The following NTRK3 variants were observed in gnomAD, a reference collection of about 807,000 sequenced individuals.
The protein encoded by NTRK3 is neurotrophic receptor tyrosine kinase 3.
NTRK3 carries 24 observed loss-of-function variants against 91.7 expected under a neutral mutation model. The observed-to-expected ratio is 0.26, with a 90% CI of 0.19 to 0.37. The LOEUF is 0.37. Among genes scored for constraint, NTRK3 ranks in the 10% least tolerant of loss-of-function variants. The pLI is 1.00. For synonymous variants in NTRK3, 483 were observed against 404.0 expected (o/e 1.20, Z -2.34); for missense variants, 880 against 1,068.9 (o/e 0.82, Z 2.46).
intron 16 of NTRK3, among the ~76,000 whole-genome samples, chr15:87,930,464 T>C (rs1418896283): frequency 6.6e-6 from 1 of 152,096 alleles, no homozygotes; most frequent in African/African-American, 2.4e-5. Flanking sequence ...TCCCTTTTAC[T>C]ATCTCCGGTG....
At chr15:87,917,753 C>T (rs2067549647) in intron 17 of NTRK3, among the ~76,000 whole-genome samples, 1 of 152,112 alleles carries the variant, frequency 6.6e-6, no homozygotes, top group Admixed American at 6.5e-5. Context: ...TGGCACCACT[C>T]CTTCCTCTCT....
exon 19 of NTRK3, chr15:87,872,535 T>C (rs959748999): frequency 8.8e-6 from 2 of 228,442 alleles, no homozygotes; most frequent in African/African-American, 4.4e-5. Flanking sequence ...TTGGAATAGT[T>C]TCTGCCAAGT....
chr15:88,066,678 G>T (rs757096404), intron 13 of NTRK3, among the ~76,000 whole-genome samples: 4 of 152,128 alleles, frequency 2.6e-5, no homozygotes, highest in Non-Finnish European at 5.9e-5. Flanking sequence ...CACCCGCCCT[G>T]AGGACCTGCA....
intron 13 of NTRK3, among the ~76,000 whole-genome samples, chr15:88,062,899 GC>G (rs1310968016): frequency 1.3e-5 from 2 of 152,172 alleles, no homozygotes; most frequent in South Asian, 2.1e-4. Flanking sequence ...AAGGCCAAAG[GC>G]CCCCCATTCT....
intron 13 of NTRK3, among the ~76,000 whole-genome samples, chr15:88,067,604 C>A (rs1380814747): frequency 6.6e-6 from 1 of 152,150 alleles, no homozygotes; most frequent in African/African-American, 2.4e-5. Flanking sequence ...CTTGGGAAAA[C>A]CAAGAGGTCA....
intron 13 of NTRK3, among the ~76,000 whole-genome samples, chr15:88,037,760 AATGCTGATG>A (rs2079193729): frequency 6.6e-6 from 1 of 152,218 alleles, no homozygotes; most frequent in Admixed American, 6.5e-5. Context: ...TAGTTGGAGA[AATGCTGATG>A]ATTGTAATAA....
At chr15:87,869,683 A>G (rs557821050) in exon 19 of NTRK3, 10 of 200,052 alleles carry the variant, frequency 5.0e-5, no homozygotes, top group East Asian at 4.7e-4. Context: ...ATGAAAAAAA[A>G]TCTTCTTCAC....
chr15:87,879,736 T>C (rs1227878510), intron 18 of NTRK3, among the ~76,000 whole-genome samples: 4 of 152,186 alleles, frequency 2.6e-5, no homozygotes, highest in Non-Finnish European at 5.9e-5. Context: ...AGTTTAACAG[T>C]AAACATACTA....
chr15:88,186,612 C>T (rs2046967698), intron 3 of NTRK3, among the ~76,000 whole-genome samples: 1 of 152,138 alleles, frequency 6.6e-6, no homozygotes, highest in Non-Finnish European at 1.5e-5. Context: ...CCTGCAGCCC[C>T]AGAGCTAAAA....
exon 19 of NTRK3, chr15:87,874,015 G>A (rs1335999475): frequency 4.4e-6 from 1 of 228,332 alleles, no homozygotes; most frequent in Non-Finnish European, 8.7e-6. Flanking sequence ...GAGCTAGAAG[G>A]GGCCAGAGAT....
In NTRK3 at chr15:88,151,209, T is replaced by C. The variant is rs1040481547; in HGVS notation, c.396-3806A>G. Among the ~76,000 whole-genome samples, 23 of 152,162 alleles carry C rather than the reference T, an allele frequency of 1.5e-4. 1 individual carries two copies. The highest frequency in any genetic ancestry group is 1.4e-3 in the Admixed American group (21 of 15,276). ...TCCGCAAAATCAAGTTCCGTGACAC[T>C]GCCCCTTCTATCTCTCGCCTGAGAC... On this transcript the variant is annotated intron_variant, in intron 5 of 18. Coordinates refer to ENST00000394480, the Ensembl canonical transcript of NTRK3.
chr15:87,877,965 C>G (rs554502473), intron 18 of NTRK3, among the ~76,000 whole-genome samples: 98 of 152,238 alleles, frequency 6.4e-4, no homozygotes, highest in African/African-American at 2.3e-3. Flanking sequence ...TAATGCATGC[C>G]TGGCCAACCC....
intron 13 of NTRK3, among the ~76,000 whole-genome samples, chr15:88,053,428 G>A (rs543944545): frequency 6.6e-6 from 1 of 152,280 alleles, no homozygotes; most frequent in Non-Finnish European, 1.5e-5. Context: ...ACCATGCAAA[G>A]GGTATTTGTC....
chr15:87,911,302 G>A (rs2067075380), intron 17 of NTRK3, among the ~76,000 whole-genome samples: 1 of 152,174 alleles, frequency 6.6e-6, no homozygotes, highest in Non-Finnish European at 1.5e-5. Flanking sequence ...ACATAATTAT[G>A]AGTCCTTAAA....
intron 17 of NTRK3, among the ~76,000 whole-genome samples, chr15:87,889,332 T>C (rs1171641974): frequency 6.6e-6 from 1 of 152,004 alleles, no homozygotes; most frequent in Non-Finnish European, 1.5e-5. Context: ...AATTATAGCT[T>C]GTCATTTGTT....
At chr15:88,015,882 C>T (rs1026075717) in intron 14 of NTRK3, among the ~76,000 whole-genome samples, 9 of 151,878 alleles carry the variant, frequency 5.9e-5, no homozygotes, top group African/African-American at 1.5e-4. Context: ...AGCTCTACAG[C>T]GGCTCCAATG....
intron 14 of NTRK3, among the ~76,000 whole-genome samples, chr15:88,017,626 G>A (rs2077327629): frequency 6.6e-6 from 1 of 152,250 alleles, no homozygotes; most frequent in African/African-American, 2.4e-5. Context: ...GTGAAGGGAG[G>A]GGGGACCATC....
chr15:87,928,082 A>C (rs28697900), intron 17 of NTRK3: 10,431 of 152,166 alleles, frequency 0.069, 1,162 homozygotes, highest in African/African-American at 0.23. Context: ...CAGGTTCAAG[A>C]AATTCTCCTG....
At chr15:88,194,838 C>T (rs1345703842) in intron 3 of NTRK3, among the ~76,000 whole-genome samples, 2 of 152,242 alleles carry the variant, frequency 1.3e-5, no homozygotes, top group African/African-American at 4.8e-5. Flanking sequence ...CTCCCTCTCT[C>T]TTTATTCACT....
Sources: gnomAD v4.1 joint callset for allele counts (sites outside exome capture counted in the v4.1 genomes callset) on GRCh38, gnomAD v4.1.1 for gene constraint, MANE v1.5 for transcripts, NCBI Gene and HGNC (gene_info 2026-07-23, HGNC 2026-07-21) for gene names.